NR6A1: variants seen among roughly 807,000 people sequenced by gnomAD.
NR6A1 encodes nuclear receptor subfamily 6 group A member 1.
NR6A1 carries 7 observed loss-of-function variants against 59.1 expected under a neutral mutation model. The ratio of observed to expected loss-of-function variants is 0.12; its 90% CI spans 0.07 to 0.22. The LOEUF is 0.22. NR6A1 is among the 10% of genes least tolerant of loss of function. The pLI, the probability that NR6A1 is intolerant of heterozygous loss-of-function variation, is 1.00. For missense variants in NR6A1, 468 were observed against 611.6 expected (o/e 0.77, Z 2.48); for synonymous variants, 243 against 236.1 (o/e 1.03, Z -0.27).
intron 2 of NR6A1, among the ~76,000 whole-genome samples, chr9:124,677,915 TA>T (rs1838012528): frequency 2.0e-5 from 3 of 152,154 alleles, no homozygotes; most frequent in African/African-American, 4.8e-5. Context: ...TTAGAATGCA[TA>T]CAAGCTTCCC....
chr9:124,591,405 G>C (rs2130798997), intron 2 of NR6A1, among the ~76,000 whole-genome samples: 1 of 152,300 alleles, frequency 6.6e-6, no homozygotes, highest in Middle Eastern at 3.4e-3. Flanking sequence ...TCAAGCTGAT[G>C]AGGTTCTTTC....
At chr9:124,541,299 A>C (rs1193442009) in intron 4 of NR6A1, among the ~76,000 whole-genome samples, 1 of 152,110 alleles carries the variant, frequency 6.6e-6, no homozygotes, top group Non-Finnish European at 1.5e-5. Context: ...ACAAAACAAA[A>C]CCCACTGAAA....
intron 7 of NR6A1, among the ~76,000 whole-genome samples, chr9:124,530,166 T>G (rs949234463): frequency 6.6e-6 from 1 of 152,138 alleles, no homozygotes; most frequent in Non-Finnish European, 1.5e-5. Flanking sequence ...AGTTCCCAAG[T>G]GCCTGGCCTG....
chr9:124,586,593 G>A lies in NR6A1; in HGVS notation c.143-32023C>T, dbSNP rs145274176. Among the ~76,000 whole-genome samples, 666 of 152,108 alleles carry A rather than the reference G, an allele frequency of 4.4e-3. 5 individuals carry two copies. The highest frequency in any genetic ancestry group is 0.015 in the African/African-American group (622 of 41,504). On this transcript the variant is annotated intron_variant, in intron 2 of 9. Transcript: ENST00000487099. ...GCCAAGTAGCTGGGACTACAGGCAT[G>A]CGCCACCATGCCCAGCTAATTTTTT...
chr9:124,525,284 A>AACACACACACACACACACACACAC (rs71492413), intron 8 of NR6A1, among the ~76,000 whole-genome samples: 5 of 137,396 alleles, frequency 3.6e-5, no homozygotes, highest in African/African-American at 1.1e-4. Flanking sequence ...ATGCTTGTAA[A>AACACACACACACACACACACACAC]ACACACACAC....
chr9:124,748,872 A>C (rs1291741991), intron 1 of NR6A1, among the ~76,000 whole-genome samples: 2 of 152,006 alleles, frequency 1.3e-5, no homozygotes, highest in Non-Finnish European at 2.9e-5. Context: ...CTCAAAAAAA[A>C]AAAAAAAAGA....
At chr9:124,646,760 C>T (rs984670293) in intron 2 of NR6A1, among the ~76,000 whole-genome samples, 2 of 152,172 alleles carry the variant, frequency 1.3e-5, no homozygotes, top group African/African-American at 4.8e-5. Context: ...GTGGGTTGGA[C>T]AGGCTTGACC....
At chr9:124,612,295 A>T (rs1835770900) in intron 2 of NR6A1, among the ~76,000 whole-genome samples, 1 of 152,070 alleles carries the variant, frequency 6.6e-6, no homozygotes, top group South Asian at 2.1e-4. Context: ...CATTTGGAAC[A>T]AAAGACAAGA....
At chr9:124,692,938 G>A (rs1838608725) in intron 2 of NR6A1, among the ~76,000 whole-genome samples, 1 of 152,152 alleles carries the variant, frequency 6.6e-6, no homozygotes, top group Non-Finnish European at 1.5e-5. Context: ...TAGGGGCAAG[G>A]GGAGGATTTA....
At chr9:124,573,176 A>T (rs1834493389) in intron 2 of NR6A1, among the ~76,000 whole-genome samples, 2 of 152,214 alleles carry the variant, frequency 1.3e-5, no homozygotes, top group Admixed American at 1.3e-4. Flanking sequence ...TGGGTAATTC[A>T]TCTGAAAATG....
At position 124,683,124 on chromosome 9, in the gene NR6A1, C is replaced by T. The variant is rs535867783; in HGVS notation, c.142+50184G>A. On this transcript the variant is annotated intron_variant, in intron 2 of 9. Coordinates refer to ENST00000487099, the MANE Select transcript of NR6A1 (RefSeq NM_033334.4). ...AGCTGAGGTGGGAGGATCACTTGAGCTCAGGAGGTTGAGGCTGCAGTGAGC... is the reference window on the plus strand; with the variant it reads ...AGCTGAGGTGGGAGGATCACTTGAGTTCAGGAGGTTGAGGCTGCAGTGAGC... Among the ~76,000 whole-genome samples, 90 of 152,114 alleles carry T rather than the reference C, an allele frequency of 5.9e-4. 1 individual carries two copies. The South Asian group carries it at 0.018, about 31-fold the overall frequency.
intron 4 of NR6A1, 97 bp downstream of exon 4, chr9:124,543,705 T>TTGAAA: frequency 2.3e-6 from 2 of 882,234 alleles, no homozygotes; most frequent in Non-Finnish European, 1.7e-6. Context: ...ATGGCTCTCC[T>TTGAAA]CAGCAGCAGA....
In NR6A1 at chr9:124,549,036, T is replaced by C. The variant is rs901954587; in HGVS notation, c.386-5179A>G. ...TTGATCATGGCCCTTGAGGGGCTCA[T>C]TGTCTAATAATGAGGGAAACAGATG... is the stretch of plus-strand genomic sequence containing the variant. On this transcript the variant is annotated intron_variant, in intron 3 of 9. Coordinates refer to ENST00000487099, the MANE Select transcript of NR6A1 (RefSeq NM_033334.4). Among the ~76,000 whole-genome samples, 3 of 152,236 alleles carry C rather than the reference T, an allele frequency of 2.0e-5. No individual in the cohort carries two copies. In the East Asian group the frequency reaches 5.8e-4, roughly 29 times the overall value.
intron 2 of NR6A1, among the ~76,000 whole-genome samples, chr9:124,727,044 A>G: frequency 6.6e-6 from 1 of 152,134 alleles, no homozygotes; most frequent in East Asian, 1.9e-4. Context: ...GAAACTCTGC[A>G]TTCCAGATCT....
At chr9:124,654,721 A>T (rs1315107515) in intron 2 of NR6A1, among the ~76,000 whole-genome samples, 1 of 151,704 alleles carries the variant, frequency 6.6e-6, no homozygotes, top group Non-Finnish European at 1.5e-5. Flanking sequence ...ACACTACCCT[A>T]TTTTCTTCAC....
chr9:124,561,517 AGCTTCCTCAT>A (rs1475939567), intron 2 of NR6A1, among the ~76,000 whole-genome samples: 1 of 152,218 alleles, frequency 6.6e-6, no homozygotes, highest in Non-Finnish European at 1.5e-5. Flanking sequence ...ACAGAGCTCT[AGCTTCCTCAT>A]AGTCTGTAAT....
Position 124,538,133 on chromosome 9 carries a change from C to T in NR6A1, c.783G>A (p.Glu261=), listed in dbSNP as rs1376216273. The change falls in exon 6 of 10, where the codon GAG becomes GAA. Residue 261 remains glutamate (E), a synonymous_variant. Transcript: ENST00000487099. ...TGGGCGTGCCCAATGGTTCCAGGTCCTCGGCTGATAACAGCTGGTGAATCA... is the reference window on the plus strand; with the variant it reads ...TGGGCGTGCCCAATGGTTCCAGGTCTTCGGCTGATAACAGCTGGTGAATCA... ...YSLIHQLLSA[E]DLEPLGTPML... The T allele has an allele frequency of 3.1e-6, 5 of 1,613,826 alleles. No homozygotes were observed. In the South Asian group the frequency reaches 4.4e-5, roughly 14 times the overall value.
At chr9:124,754,296 C>G (rs572001444) in intron 1 of NR6A1, among the ~76,000 whole-genome samples, 20 of 152,340 alleles carry the variant, frequency 1.3e-4, no homozygotes, top group Middle Eastern at 6.8e-3. Context: ...TCCAAGTCAA[C>G]TGACCAAATT....
intron 2 of NR6A1, among the ~76,000 whole-genome samples, chr9:124,626,786 T>C (rs1046244275): frequency 6.6e-6 from 1 of 151,724 alleles, no homozygotes; most frequent in Non-Finnish European, 1.5e-5. Flanking sequence ...ATACAAAAAT[T>C]AGCCGGGCGT....
Sources: allele counts gnomAD v4.1 joint callset (sites outside exome capture counted in the v4.1 genomes callset), GRCh38; gene constraint gnomAD v4.1.1; transcripts MANE v1.5; gene names NCBI Gene and HGNC (gene_info 2026-07-23, HGNC 2026-07-21).